Variants in IRAK1BP1 observed in about 807,000 individuals in gnomAD.
IRAK1BP1 encodes interleukin 1 receptor associated kinase 1 binding protein 1.
IRAK1BP1 carries 24 observed loss-of-function variants against 28.0 expected under a neutral mutation model. That is an observed-to-expected ratio of 0.86 (90% CI 0.62 to 1.20). The LOEUF is 1.20. Among genes scored for constraint, IRAK1BP1 ranks in the 50% most tolerant of loss-of-function variants. IRAK1BP1 has a pLI of 0.00. For synonymous variants in IRAK1BP1, 131 were observed against 116.3 expected, an observed-to-expected ratio of 1.13 and a Z score of -0.81; for missense variants, 336 against 316.7, an observed-to-expected ratio of 1.06 and a Z score of -0.46.
Position 78,872,115 on chromosome 6 carries a change from T to C in IRAK1BP1, c.315+4224T>C, listed in dbSNP as rs1384937725. 10 of 701,466 alleles carry C rather than the reference T, an allele frequency of 1.4e-5. No homozygotes were observed. In the East Asian group the frequency reaches 2.1e-4, roughly 15 times the overall value. 43.5% of individuals were successfully genotyped at this position (701,466 alleles called of 1,614,324 possible). Reference sequence around the variant, plus strand: ...AAAGAGACCCCAGCATCTTCACCCCTTGGGGTCGGATAATTCTGAGGTATG... The same window carrying C: ...AAAGAGACCCCAGCATCTTCACCCCCTGGGGTCGGATAATTCTGAGGTATG... On this transcript the variant is annotated intron_variant, in intron 1 of 3. Coordinates refer to ENST00000369940, the MANE Select transcript of IRAK1BP1 (RefSeq NM_001010844.4).
chr6:78,958,172 T>C, the IRAK1BP1 span: 1 of 198,108 alleles, frequency 5.0e-6, no homozygotes, highest in South Asian at 1.4e-4. Context: ...ATTTTTACTA[T>C]TATTATTGTC....
intron 4 of IRAK1BP1, among the ~76,000 whole-genome samples, chr6:78,934,739 T>G (rs1239520245): frequency 1.3e-5 from 2 of 152,166 alleles, no homozygotes; most frequent in African/African-American, 2.4e-5. Flanking sequence ...TAATCAACCT[T>G]TAAAACTTTA....
At chr6:78,935,614 G>C (rs2127673164) in intron 4 of IRAK1BP1, 1 of 980,442 alleles carries the variant, frequency 1.0e-6, no homozygotes, top group Middle Eastern at 5.2e-4. Flanking sequence ...CACATAAAAA[G>C]GCATATAAGT....
At chr6:78,929,932 GT>G (rs5877634) in intron 4 of IRAK1BP1, among the ~76,000 whole-genome samples, 135,692 of 151,856 alleles carry the variant, frequency 0.89, 60,653 homozygotes, top group Admixed American at 0.9. Context: ...TTCTGACACA[GT>G]TTTTTTTTGT....
intron 4 of IRAK1BP1, among the ~76,000 whole-genome samples, chr6:78,918,271 T>C (rs1772614258): frequency 6.6e-6 from 1 of 152,138 alleles, no homozygotes; most frequent in Non-Finnish European, 1.5e-5. Flanking sequence ...CACTCCATCC[T>C]GAGTGACAGA....
chr6:78,949,861 G>GT (rs1258831326), downstream of IRAK1BP1, among the ~76,000 whole-genome samples: 1 of 151,912 alleles, frequency 6.6e-6, no homozygotes, highest in African/African-American at 2.4e-5. Flanking sequence ...GTTAATTTTT[G>GT]TATTTTTTGT....
At chr6:78,922,850 A>T (rs746214370) in intron 4 of IRAK1BP1, among the ~76,000 whole-genome samples, 23 of 152,246 alleles carry the variant, frequency 1.5e-4, no homozygotes, top group Non-Finnish European at 2.6e-4. Flanking sequence ...GAGAAATAAA[A>T]TCCTTTACAG....
chr6:78,939,183 C>T (rs1440557494), intron 4 of IRAK1BP1: 3 of 151,706 alleles, frequency 2.0e-5, no homozygotes, highest in Non-Finnish European at 4.4e-5. Flanking sequence ...TAAATAACTG[C>T]TTTCCTTTTC....
the IRAK1BP1 span, among the ~76,000 whole-genome samples, chr6:78,979,102 C>T: frequency 6.6e-6 from 1 of 152,174 alleles, no homozygotes; most frequent in Non-Finnish European, 1.5e-5. Context: ...TTATAAGAGA[C>T]TTGAACATCC....
intron 4 of IRAK1BP1, among the ~76,000 whole-genome samples, chr6:78,924,697 G>A (rs988723793): frequency 6.6e-6 from 1 of 152,144 alleles, no homozygotes; most frequent in Non-Finnish European, 1.5e-5. Context: ...GAATCCAGCA[G>A]CACATCAAAA....
At chr6:78,975,628 C>A in the IRAK1BP1 span, among the ~76,000 whole-genome samples, 1 of 152,104 alleles carries the variant, frequency 6.6e-6, no homozygotes, top group Non-Finnish European at 1.5e-5. Context: ...GAAAACCCCA[C>A]TGTCTCAGCC....
downstream of IRAK1BP1, among the ~76,000 whole-genome samples, chr6:78,904,615 C>T (rs569800645): frequency 2.6e-5 from 4 of 152,222 alleles, no homozygotes; most frequent in East Asian, 5.8e-4. Context: ...AAGAGTAATG[C>T]TTTGTTCTTC....
the IRAK1BP1 span, among the ~76,000 whole-genome samples, chr6:78,973,980 T>C: frequency 1.3e-5 from 2 of 151,924 alleles, no homozygotes; most frequent in South Asian, 2.1e-4. Context: ...GACAGAAAGT[T>C]AACAAGGATA....
At chr6:78,891,049 T>G (rs1771639801) in intron 2 of IRAK1BP1, among the ~76,000 whole-genome samples, 1 of 152,184 alleles carries the variant, frequency 6.6e-6, no homozygotes, top group East Asian at 1.9e-4. Context: ...ACTAAGGGCT[T>G]CAGTAAAATG....
chr6:78,909,473 GA>G (rs1467193913), intron 4 of IRAK1BP1, among the ~76,000 whole-genome samples: 1 of 152,180 alleles, frequency 6.6e-6, no homozygotes, highest in African/African-American at 2.4e-5. Context: ...TCCCCTGAAT[GA>G]AAACATAATT....
chr6:78,885,490 A>C (rs1444538274), intron 2 of IRAK1BP1, 47 bp downstream of exon 2: 1 of 909,694 alleles, frequency 1.1e-6, no homozygotes, highest in Admixed American at 2.6e-5. Flanking sequence ...TTGTGGAGAC[A>C]GTCATTTTTA....
At chr6:78,977,541 C>G in the IRAK1BP1 span, among the ~76,000 whole-genome samples, 1 of 151,986 alleles carries the variant, frequency 6.6e-6, no homozygotes, top group African/African-American at 2.4e-5. Flanking sequence ...CATTATTGCT[C>G]CAGTTGTCTG....
At chr6:78,884,941 A>C (rs925710312) in intron 1 of IRAK1BP1, among the ~76,000 whole-genome samples, 1 of 152,116 alleles carries the variant, frequency 6.6e-6, no homozygotes, top group Non-Finnish European at 1.5e-5. Flanking sequence ...TTGCCACTAA[A>C]TACAATTTTA....
At chr6:78,972,254 T>C in the IRAK1BP1 span, among the ~76,000 whole-genome samples, 12 of 152,170 alleles carry the variant, frequency 7.9e-5, no homozygotes, top group South Asian at 1.0e-3. Context: ...GGAGGCACCC[T>C]CCAGCAGGGG....
Sources: gnomAD v4.1 joint callset for allele counts (sites outside exome capture counted in the v4.1 genomes callset) on GRCh38, gnomAD v4.1.1 for gene constraint, MANE v1.5 for transcripts, NCBI Gene and HGNC (gene_info 2026-07-23, HGNC 2026-07-21) for gene names.